Variants in PLB1 observed in about 807,000 individuals in gnomAD.
The protein encoded by PLB1 is phospholipase B1, membrane-associated.
Under a neutral mutation model 227.4 loss-of-function variants are expected in PLB1, and 242 were observed. The observed-to-expected ratio is 1.06, with a 90% CI of 0.96 to 1.18. PLB1 has a LOEUF of 1.18. Among genes scored for constraint, PLB1 ranks in the 50% most tolerant of loss-of-function variants. PLB1 has a pLI of 0.00. For missense variants in PLB1, 1,858 were observed against 1,816.3 expected (o/e 1.02, Z -0.42); for synonymous variants, 757 against 682.2 (o/e 1.11, Z -1.71).
At chr2:28,510,624 TC>T (rs1194184232) in intron 1 of PLB1, among the ~76,000 whole-genome samples, 25 of 47,792 alleles carry the variant, frequency 5.2e-4, no homozygotes, top group African/African-American at 1.1e-3. Flanking sequence ...TTTTTCTCTC[TC>T]TTTTTTTTTT....
intron 44 of PLB1, among the ~76,000 whole-genome samples, chr2:28,617,382 G>A (rs1230908638): frequency 6.6e-6 from 1 of 152,116 alleles, no homozygotes; most frequent in Non-Finnish European, 1.5e-5. Context: ...GTTCCTTTGG[G>A]AGACCCACCT....
At chr2:28,511,491 A>G (rs1668252152) in intron 1 of PLB1, among the ~76,000 whole-genome samples, 1 of 152,148 alleles carries the variant, frequency 6.6e-6, no homozygotes, top group Non-Finnish European at 1.5e-5. Flanking sequence ...TTACATCACC[A>G]ACGTCCCAAC....
chr2:28,639,411 T>G (rs541885814), intron 56 of PLB1, among the ~76,000 whole-genome samples: 1 of 151,736 alleles, frequency 6.6e-6, no homozygotes, highest in Non-Finnish European at 1.5e-5. Context: ...CATCCAGCGA[T>G]GGAGACTGCA....
At position 28,614,014 on chromosome 2, in the gene PLB1, G is replaced by T. The variant is rs1395994355; in HGVS notation, c.3130-17G>T. ...GTGCTGTCAGATAACTTCTCCATGTGTTTTTTTTTCTCTTAGAATGAGCCC... is the reference window on the plus strand; with the variant it reads ...GTGCTGTCAGATAACTTCTCCATGTTTTTTTTTTTCTCTTAGAATGAGCCC... On this transcript the variant is annotated splice_polypyrimidine_tract_variant and intron_variant, in intron 43 of 57. Coordinates refer to ENST00000327757, the MANE Select transcript of PLB1 (RefSeq NM_153021.5). 1.3e-6 allele frequency: 2 copies of T among 1,547,000 alleles called. No individual in the cohort carries two copies. Among genetic ancestry groups the T allele is most frequent in the South Asian group, 1.1e-5 (1 of 88,160 alleles).
intron 23 of PLB1, among the ~76,000 whole-genome samples, chr2:28,580,844 G>C (rs570824275): frequency 6.6e-6 from 1 of 152,172 alleles, no homozygotes; most frequent in Non-Finnish European, 1.5e-5. Flanking sequence ...ACAGAAAGGG[G>C]ACCAGCAGAG....
chr2:28,582,378 T>G, intron 24 of PLB1, 27 bp from the exon 25 acceptor site: 6 of 1,600,110 alleles, frequency 3.7e-6, no homozygotes, highest in Non-Finnish European at 5.1e-6. Flanking sequence ...CCTCATCCTC[T>G]TGGTGACTGA....
intron 40 of PLB1, among the ~76,000 whole-genome samples, chr2:28,604,297 C>T (rs1684338016): frequency 6.6e-6 from 1 of 152,182 alleles, no homozygotes; most frequent in African/African-American, 2.4e-5. Context: ...GGCTTAACCC[C>T]AACTCCTGGC....
Position 28,529,381 on chromosome 2 carries a change from G to A in PLB1, c.390G>A (p.Lys130=), listed in dbSNP as rs146542771. 7.7e-5 allele frequency: 124 copies of A among 1,608,950 alleles called. 1 individual carries two copies. The highest frequency in any genetic ancestry group is 5.0e-4 in the Middle Eastern group (3 of 6,052). The change falls in exon 7 of 58, where the codon AAG becomes AAA. Residue 130 remains lysine, a synonymous_variant. Coordinates refer to ENST00000327757, the MANE Select transcript of PLB1 (RefSeq NM_153021.5). The part of the protein sequence containing the change: ...SVPMPVCHTG[K]RVIPHDGAED... ...CAATGCCTGTGTGCCACACTGGAAA[G>A]AGAGTCATACCCCACGATGGTGCTG...
At chr2:28,555,105 A>G (rs1476557492) in intron 17 of PLB1, among the ~76,000 whole-genome samples, 3 of 151,830 alleles carry the variant, frequency 2.0e-5, no homozygotes, top group Non-Finnish European at 4.4e-5. Context: ...TAACTGGCCA[A>G]TAATGAAAAA....
chr2:28,515,092 A>G (rs1668687201), intron 1 of PLB1, among the ~76,000 whole-genome samples: 1 of 152,230 alleles, frequency 6.6e-6, no homozygotes, highest in African/African-American at 2.4e-5. Flanking sequence ...TAGTTCACAT[A>G]AGTGCTTAGA....
chr2:28,618,257 A>G, intron 45 of PLB1, 84 bp from the exon 46 acceptor site: 1 of 1,247,054 alleles, frequency 8.0e-7, no homozygotes, highest in Non-Finnish European at 1.2e-6. Flanking sequence ...AGTGGGACAG[A>G]GTTATAGACT....
chr2:28,589,218 G>C (rs969532539), intron 26 of PLB1, among the ~76,000 whole-genome samples: 1 of 152,022 alleles, frequency 6.6e-6, no homozygotes, highest in Non-Finnish European at 1.5e-5. Context: ...CCTTTTCACA[G>C]ACTAGCTCAA....
At position 28,620,167 on chromosome 2, in the gene PLB1, C is replaced by A. The variant is rs1221891467; in HGVS notation, c.3316-98C>A. On this transcript the variant is annotated intron_variant, in intron 46 of 57. Coordinates refer to ENST00000327757, the MANE Select transcript of PLB1 (RefSeq NM_153021.5). Reference sequence around the variant, plus strand: ...AAGCCGGTACTATTTTTAGAAAAGGCAAATCCAGGTCCTAGCTGCTACCCC... The same window carrying A: ...AAGCCGGTACTATTTTTAGAAAAGGAAAATCCAGGTCCTAGCTGCTACCCC... The A allele has an allele frequency of 9.2e-6, 7 of 762,564 alleles. No homozygotes were observed. In the South Asian group the frequency reaches 9.3e-5, roughly 10 times the overall value. The allele number at this position is 762,564 out of a possible 1,614,324, so 47.2% of individuals were successfully genotyped here. A position where few individuals can be genotyped will look rare whatever the true frequency, so the allele number is the denominator to read the frequency against.
chr2:28,574,594 A>G (rs1678611509), intron 21 of PLB1, among the ~76,000 whole-genome samples: 1 of 137,754 alleles, frequency 7.3e-6, no homozygotes, highest in South Asian at 2.3e-4. Context: ...ACAGGGTTTC[A>G]CCATGTTGGC....
At chr2:28,505,912 C>T (rs1434783294) in intron 1 of PLB1, among the ~76,000 whole-genome samples, 4 of 152,202 alleles carry the variant, frequency 2.6e-5, no homozygotes, top group Non-Finnish European at 4.4e-5. Context: ...CCTCCATCCC[C>T]ATCCCCAACC....
chr2:28,559,576 G>T (rs1675701824), intron 17 of PLB1, among the ~76,000 whole-genome samples: 1 of 152,070 alleles, frequency 6.6e-6, no homozygotes, highest in Non-Finnish European at 1.5e-5. Flanking sequence ...AGACCTTGGA[G>T]ACCTGGAAGT....
chr2:28,567,331 G>A (rs927430827), intron 20 of PLB1, among the ~76,000 whole-genome samples: 1 of 152,114 alleles, frequency 6.6e-6, no homozygotes, highest in Non-Finnish European at 1.5e-5. Context: ...TGAATTGCGG[G>A]GTTGCTGTAG....
At chr2:28,538,710 C>T (rs933674679) in intron 10 of PLB1, among the ~76,000 whole-genome samples, 1 of 152,156 alleles carries the variant, frequency 6.6e-6, no homozygotes, top group African/African-American at 2.4e-5. Context: ...CCTTTCTGCT[C>T]AGTGACCGTG....
intron 1 of PLB1, 40 bp downstream of exon 1, chr2:28,496,209 GC>G (rs753734483): frequency 3.8e-6 from 6 of 1,591,916 alleles, no homozygotes; most frequent in Non-Finnish European, 5.2e-6. Context: ...CAGTGGTTTA[GC>G]CCCGCTGGTG....
Sources: allele counts gnomAD v4.1 joint callset (sites outside exome capture counted in the v4.1 genomes callset), GRCh38; gene constraint gnomAD v4.1.1; transcripts MANE v1.5; gene names NCBI Gene and HGNC (gene_info 2026-07-23, HGNC 2026-07-21).